Variants in LAT2 observed in about 807,000 individuals in gnomAD.
LAT2 encodes the protein linker for activation of T cells family member 2, also known as linker for activation of T-cells family member 2.
In LAT2, 23 loss-of-function variants were observed where a neutral mutation model predicts 43.4. That is an observed-to-expected ratio of 0.53 (90% confidence interval 0.38 to 0.75). LAT2 has a LOEUF of 0.75. Ranked by LOEUF, LAT2 falls within the 30% of genes least tolerant of loss-of-function variation. LAT2 has a pLI of 0.00. For synonymous variants in LAT2, 128 were observed against 123.2 expected (o/e 1.04, Z -0.26); for missense variants, 284 against 310.2 (o/e 0.92, Z 0.64).
Position 74,219,779 on chromosome 7 carries a change from C to G in LAT2, c.170C>G (p.Thr57Ser). The G allele has an allele frequency of 6.2e-7, 1 of 1,614,112 alleles. No homozygotes were observed. Among genetic ancestry groups the G allele is most frequent in the South Asian group, 1.1e-5 (1 of 91,092 alleles). The change falls in exon 5 of 14, where the codon ACC becomes AGC. Residue 57 changes from threonine (T) to serine (S), a missense_variant. Transcript: ENST00000460943. ...EDQQSFTGSR[T>S]YSLVGQAWPG... is the part of the protein sequence containing the mutation. ...CAACAGAGCTTTACGGGGTCCCGGA[C>G]CTACTCCTGTGAGTCTCCAAGTGTC...
intron 1 of LAT2, 33 bp from the exon 2 acceptor site, chr7:74,214,766 TATATATATAAATATATATATATA>T (rs1563968706): frequency 8.9e-4 from 46 of 51,682 alleles, no homozygotes; most frequent in African/African-American, 3.6e-3. Context: ...TATATAAACA[TATATATATAAATATATATATATA>T]TATTTTTTTT....
At chr7:74,226,466 G>C (rs1234474324) in intron 13 of LAT2, 2 of 152,572 alleles carry the variant, frequency 1.3e-5, no homozygotes, top group African/African-American at 4.8e-5. Context: ...ACTCAAGCCT[G>C]GGCAACAGAG....
intron 1 of LAT2, among the ~76,000 whole-genome samples, chr7:74,212,037 G>C (rs1362471674): frequency 6.6e-6 from 1 of 152,022 alleles, no homozygotes; most frequent in African/African-American, 2.4e-5. Flanking sequence ...TCCAACTCCT[G>C]GGCTCAAGCA....
At chr7:74,225,106 C>T (rs1255974720) in intron 13 of LAT2, 1 of 187,060 alleles carries the variant, frequency 5.3e-6, no homozygotes, top group Non-Finnish European at 1.1e-5. Context: ...AGACATCGCA[C>T]ACACGGCCGG....
At chr7:74,228,249 G>A (rs1367200253) in intron 13 of LAT2, among the ~76,000 whole-genome samples, 3 of 150,182 alleles carry the variant, frequency 2.0e-5, no homozygotes, top group Admixed American at 1.3e-4. Context: ...GGCTGAGGCG[G>A]GCGGATCACA....
At chr7:74,221,298 C>T (rs1802264823) in intron 9 of LAT2, among the ~76,000 whole-genome samples, 1 of 151,458 alleles carries the variant, frequency 6.6e-6, no homozygotes, top group Admixed American at 6.6e-5. Flanking sequence ...GCCTGTAATC[C>T]CAGCTACTCG....
Position 74,224,196 on chromosome 7 carries a change from G to A in LAT2, c.627G>A (p.Met209Ile), listed in dbSNP as rs782721255. The change falls in exon 12 of 14, where the codon ATG becomes ATA. Residue 209 changes from methionine (M) to isoleucine (I), a missense_variant and splice_region_variant. Met to Ile is a conservative substitution (Grantham distance 10). Coordinates refer to ENST00000460943, the MANE Select transcript of LAT2 (RefSeq NM_032464.3). ...AGTGGCGCGAGTCCAGGAAGGTCAT[G>A]GGTAGGTGGCCGGGAGAAGAGGCAG... ...IHQWRESRKV[M>I]GQLQREASPG... 6.2e-7 allele frequency: 1 copy of A among 1,612,892 alleles called. No homozygotes were observed. The highest frequency in any genetic ancestry group is 8.5e-7 in the Non-Finnish European group (1 of 1,179,986).
At chr7:74,221,410 CAAAAAAAAAAAAAAAAAA>C (rs782694803) in intron 9 of LAT2, among the ~76,000 whole-genome samples, 3 of 21,074 alleles carry the variant, frequency 1.4e-4, no homozygotes, top group Non-Finnish European at 3.4e-4. Context: ...GACTCTGTCT[CAAAAAAAAAAAAAAAAAA>C]AAAAAAAAAA....
rs1801925859 is a variant in LAT2, at chr7:74,214,545, T to TAA, written c.-218-276_-218-275insAA. On this transcript the variant is annotated intron_variant, in intron 1 of 13. Coordinates refer to ENST00000460943, the MANE Select transcript of LAT2 (RefSeq NM_032464.3). Reference sequence around the variant, plus strand: ...ATATAAATATATATATGAATATATATATATATATATGAAAATATATATATA... The same window carrying TAA: ...ATATAAATATATATATGAATATATATAAATATATATATGAAAATATATATATA... Among the ~76,000 whole-genome samples the TAA allele has an allele frequency of 9.3e-4, 3 of 3,224 alleles. 1 individual carries two copies. The highest frequency in any genetic ancestry group is 4.4e-3 in the African/African-American group (2 of 458). 2.1% of individuals were successfully genotyped at this position (3,224 alleles called of 152,430 possible). A position where few individuals can be genotyped will look rare whatever the true frequency, so the allele number is the denominator to read the frequency against.
intron 10 of LAT2, 21 bp from the exon 11 acceptor site, chr7:74,223,703 C>G: frequency 1.2e-6 from 2 of 1,612,454 alleles, no homozygotes; most frequent in Non-Finnish European, 1.7e-6. Flanking sequence ...ACCCCCGTGC[C>G]CACTCCTCTC....
intron 3 of LAT2, 66 bp from the exon 4 acceptor site, chr7:74,216,759 G>C: frequency 7.2e-7 from 1 of 1,380,476 alleles, no homozygotes; most frequent in East Asian, 2.3e-5. Flanking sequence ...AGACATGGCG[G>C]GGGGTGTCTG....
chr7:74,227,700 C>G (rs782640913), intron 13 of LAT2, among the ~76,000 whole-genome samples: 9 of 152,130 alleles, frequency 5.9e-5, no homozygotes, highest in Admixed American at 3.9e-4. Flanking sequence ...TGGTGAAACG[C>G]TGTCTCTACA....
In LAT2 at chr7:74,215,860, A is replaced by G. The variant is rs1554714168; in HGVS notation, c.-29-87A>G. ...GGTGGTGTTTCCGCAGCCTAGGCTC[A>G]GGTATGGGGCTGTCCGAGCACAGTG... is the stretch of plus-strand genomic sequence containing the variant. On this transcript the variant is annotated intron_variant, in intron 2 of 13. Coordinates refer to ENST00000460943, the MANE Select transcript of LAT2 (RefSeq NM_032464.3). The G allele has an allele frequency of 3.4e-6, 3 of 895,298 alleles. No homozygotes were observed. In the Admixed American group the frequency reaches 5.2e-5, roughly 16 times the overall value. The allele number at this position is 895,298 out of a possible 1,614,324, so 55.5% of individuals were successfully genotyped here.
chr7:74,212,606 G>A (rs1190588564), intron 1 of LAT2, among the ~76,000 whole-genome samples: 3 of 152,120 alleles, frequency 2.0e-5, no homozygotes, highest in Admixed American at 6.6e-5. Flanking sequence ...AAACTGAGGC[G>A]GGGGGCTCTC....
rs1158885879 is a variant in LAT2 at position 74,214,267 on chromosome 7, AAAATATATATAT to A, written c.-218-542_-218-531del. On this transcript the variant is annotated intron_variant, in intron 1 of 13. Transcript: ENST00000460943. ...ATATATATATAAATATATATATATG[AAAATATATATAT>A]AAATATATATATGAAAATATATATA... Among the ~76,000 whole-genome samples the A allele has an allele frequency of 1.0e-3, 80 of 77,110 alleles. 1 individual carries two copies. Among genetic ancestry groups the A allele is most frequent in the African/African-American group, 4.7e-3 (75 of 16,128 alleles). The allele number at this position is 77,110 out of a possible 152,430, so 50.6% of individuals were successfully genotyped here.
At chr7:74,219,527 G>C (rs886186490) in intron 4 of LAT2, among the ~76,000 whole-genome samples, 1 of 152,248 alleles carries the variant, frequency 6.6e-6, no homozygotes, top group Non-Finnish European at 1.5e-5. Flanking sequence ...GGCCCTGTGT[G>C]AGGGTTGGGC....
Position 74,219,965 on chromosome 7 carries a change from G to A in LAT2, c.184G>A (p.Gly62Arg), listed in dbSNP as rs548651256. The change falls in exon 6 of 14, where the codon GGG becomes AGG. Residue 62 changes from glycine (G) to arginine (R), a missense_variant. Physicochemically the swap from Gly to Arg is moderately radical, Grantham distance 125 (BLOSUM62 -2). Transcript: ENST00000460943. ...FTGSRTYSLV[G>R]QAWPGPLADM... is the part of the protein sequence containing the mutation. Reference sequence around the variant, plus strand: ...CCACTTCTTGCCCTTTGTAGTGGTCGGGCAGGCATGGCCAGGACCCCTGGC... The same window carrying A: ...CCACTTCTTGCCCTTTGTAGTGGTCAGGCAGGCATGGCCAGGACCCCTGGC... 5.4e-5 allele frequency: 87 copies of A among 1,613,536 alleles called. No homozygotes were observed. Among genetic ancestry groups the A allele is most frequent in the Middle Eastern group, 3.3e-4 (2 of 5,998 alleles).
At position 74,216,867 on chromosome 7, in the gene LAT2, G is replaced by A; in HGVS notation, c.134+3G>A. On this transcript the variant is annotated splice_donor_region_variant and intron_variant, in intron 4 of 13. Coordinates refer to ENST00000460943, the MANE Select transcript of LAT2 (RefSeq NM_032464.3). ...AAAATCTACCAGCAGAGAAGTCTGT[G>A]AGTTGCCTCGATGTCCCTAGCCTGG... The A allele has an allele frequency of 6.2e-7, 1 of 1,613,426 alleles. No homozygotes were observed. Among genetic ancestry groups the A allele is most frequent in the Non-Finnish European group, 8.5e-7 (1 of 1,179,480 alleles).
At chr7:74,216,169 C>A in intron 3 of LAT2, 100 bp downstream of exon 3, 2 of 965,048 alleles carry the variant, frequency 2.1e-6, no homozygotes, top group South Asian at 1.6e-5. Flanking sequence ...AAGAGGTGGT[C>A]AGATGAACCT....
Sources: allele counts gnomAD v4.1 joint callset (sites outside exome capture counted in the v4.1 genomes callset), GRCh38; gene constraint gnomAD v4.1.1; transcripts MANE v1.5; gene names NCBI Gene and HGNC (gene_info 2026-07-23, HGNC 2026-07-21).